Variants in WDR5 observed in about 807,000 individuals in gnomAD.
WDR5 encodes WD repeat domain 5, also known as WD repeat-containing protein 5.
For missense variants in WDR5, 187 were observed against 416.9 expected (o/e 0.45, Z 4.80); for synonymous variants, 144 against 161.6 (o/e 0.89, Z 0.83).
intron 11 of WDR5, 136 bp from the exon 12 acceptor site, chr9:134,155,557 C>A: frequency 8.0e-7 from 1 of 1,249,698 alleles, no homozygotes; most frequent in Non-Finnish European, 1.1e-6. Flanking sequence ...GTTAAATCTT[C>A]GATTGTGTGG....
chr9:134,143,357 A>G (rs1831999315), intron 7 of WDR5, among the ~76,000 whole-genome samples: 1 of 152,162 alleles, frequency 6.6e-6, no homozygotes, highest in Non-Finnish European at 1.5e-5. Context: ...CCTGGCCAAC[A>G]TGGTGAAACC....
rs149864663 is a variant in WDR5 at position 134,139,862 on chromosome 9, G to A, written c.-16G>A. 76 of 1,613,330 alleles carry A rather than the reference G, an allele frequency of 4.7e-5. No individual in the cohort carries two copies. In the African/African-American group the frequency reaches 6.9e-4, roughly 15 times the overall value. Reference sequence around the variant, plus strand: ...GTCCCTCCACCCTTGTCTCCTGTGCGGCCAGCGTCAGAGCCATGGCGACGG... The same window carrying A: ...GTCCCTCCACCCTTGTCTCCTGTGCAGCCAGCGTCAGAGCCATGGCGACGG... On this transcript the variant is annotated 5_prime_UTR_variant, in exon 2 of 14. Transcript: ENST00000358625.
intron 12 of WDR5, among the ~76,000 whole-genome samples, chr9:134,156,291 C>T (rs760157669): frequency 6.6e-6 from 1 of 152,178 alleles, no homozygotes; most frequent in African/African-American, 2.4e-5. Flanking sequence ...TGAGCGAGGC[C>T]GGTGCTGGGA....
chr9:134,145,860 C>A (rs1832165487), intron 7 of WDR5, among the ~76,000 whole-genome samples: 1 of 152,132 alleles, frequency 6.6e-6, no homozygotes, highest in Admixed American at 6.5e-5. Context: ...CCGCAGAGCA[C>A]TTGGAGTGCT....
At chr9:134,143,600 C>T (rs1422869196) in intron 7 of WDR5, among the ~76,000 whole-genome samples, 1 of 151,044 alleles carries the variant, frequency 6.6e-6, no homozygotes, top group Admixed American at 6.6e-5. Context: ...GATCTCGGCT[C>T]ACTGCAAGCT....
At chr9:134,141,300 A>C (rs539110154) in intron 3 of WDR5, among the ~76,000 whole-genome samples, 1 of 152,136 alleles carries the variant, frequency 6.6e-6, no homozygotes, top group African/African-American at 2.4e-5. Context: ...AAACAAAAGA[A>C]GAAGAAAGAA....
At chr9:134,144,091 C>A (rs1832042377) in intron 7 of WDR5, among the ~76,000 whole-genome samples, 1 of 152,252 alleles carries the variant, frequency 6.6e-6, no homozygotes, top group Admixed American at 6.5e-5. Context: ...GAAGGCTTTG[C>A]CCGAGTGAGA....
intron 7 of WDR5, among the ~76,000 whole-genome samples, chr9:134,145,051 G>C (rs1443275279): frequency 2.0e-5 from 3 of 149,960 alleles, no homozygotes; most frequent in Non-Finnish European, 4.4e-5. Context: ...CTCCACAGCT[G>C]CTGCTCTGTA....
chr9:134,145,092 C>CTTTGTTTTTTGT (rs771143644), intron 7 of WDR5, among the ~76,000 whole-genome samples: 1 of 56,840 alleles, frequency 1.8e-5, no homozygotes, highest in East Asian at 5.5e-4. Flanking sequence ...GTTTGTGGGG[C>CTTTGTTTTTTGT]TTTGTTTTTT....
At chr9:134,142,740 T>C (rs371793704) in intron 7 of WDR5, 21 bp downstream of exon 7, 80 of 1,612,438 alleles carry the variant, frequency 5.0e-5, no homozygotes, top group Non-Finnish European at 6.7e-5. Context: ...CTGACACGGA[T>C]GGGGTGGTGT....
intron 13 of WDR5, among the ~76,000 whole-genome samples, chr9:134,156,817 C>G (rs926163635): frequency 7.2e-5 from 11 of 152,224 alleles, no homozygotes; most frequent in Non-Finnish European, 1.6e-4. Context: ...CCCTGTTTCT[C>G]CCTGTTCTGC....
intron 1 of WDR5, among the ~76,000 whole-genome samples, chr9:134,139,334 G>T (rs1457454363): frequency 6.6e-6 from 1 of 152,220 alleles, no homozygotes; most frequent in Non-Finnish European, 1.5e-5. Flanking sequence ...GCCCGTGCTT[G>T]TGTTTTCAAA....
At chr9:134,148,380 G>A (rs748505109) in intron 8 of WDR5, 37 bp downstream of exon 8, 2 of 1,577,818 alleles carry the variant, frequency 1.3e-6, no homozygotes, top group Non-Finnish European at 8.7e-7. Flanking sequence ...AGCGATGAGT[G>A]CTTAACTAAG....
intron 7 of WDR5, among the ~76,000 whole-genome samples, chr9:134,145,099 T>TTTTTTG (rs1832114746): frequency 1.8e-5 from 2 of 112,876 alleles, no homozygotes; most frequent in Admixed American, 8.4e-5. Flanking sequence ...GGGCTTTGTT[T>TTTTTTG]TTTTTTTTTT....
intron 3 of WDR5, 87 bp downstream of exon 3, chr9:134,140,898 C>T: frequency 1.5e-6 from 2 of 1,315,964 alleles, no homozygotes; most frequent in South Asian, 2.4e-5. Context: ...TGCTTCCTCA[C>T]CTACCGCTGG....
intron 1 of WDR5, among the ~76,000 whole-genome samples, chr9:134,138,611 G>A (rs75961108): frequency 0.018 from 2,715 of 152,314 alleles, 89 homozygotes; most frequent in African/African-American, 0.062. Context: ...GGCCCTAGAT[G>A]CAGCGTGATC....
In WDR5 at chr9:134,141,430, G is replaced by A. The variant is rs1831882566; in HGVS notation, c.191-80G>A. On this transcript the variant is annotated intron_variant, in intron 3 of 13. Transcript: ENST00000358625. ...TGCTGATCACCTGGGACTCATGTGG[G>A]AAAAGCTCAGACTTTGGACTCTGGA... is the stretch of plus-strand genomic sequence containing the variant. 3.5e-6 allele frequency: 5 copies of A among 1,446,498 alleles called. No homozygotes were observed. In the South Asian group the frequency reaches 4.6e-5, roughly 13 times the overall value. 89.6% of individuals were successfully genotyped at this position (1,446,498 alleles called of 1,614,324 possible).
At chr9:134,137,817 A>G (rs1178050798) in intron 1 of WDR5, among the ~76,000 whole-genome samples, 2 of 152,074 alleles carry the variant, frequency 1.3e-5, no homozygotes, top group Admixed American at 6.5e-5. Flanking sequence ...GCAGTGGCGC[A>G]ATCTTGGTTC....
intron 1 of WDR5, among the ~76,000 whole-genome samples, chr9:134,136,836 C>T (rs1394410175): frequency 2.0e-5 from 3 of 152,180 alleles, no homozygotes; most frequent in Non-Finnish European, 2.9e-5. Flanking sequence ...TAACGACACT[C>T]CCTGCTGTCT....
Sources: allele counts gnomAD v4.1 joint callset (sites outside exome capture counted in the v4.1 genomes callset), GRCh38; gene constraint gnomAD v4.1.1; transcripts MANE v1.5; gene names NCBI Gene and HGNC (gene_info 2026-07-23, HGNC 2026-07-21).